The following CNTNAP2 variants were observed in gnomAD, a reference collection of about 807,000 sequenced individuals.
CNTNAP2 encodes the protein contactin-associated protein-like 2.
In CNTNAP2, 98 loss-of-function variants were observed where a neutral mutation model predicts 155.2. The observed-to-expected ratio is 0.63, with a 90% CI of 0.54 to 0.75. CNTNAP2 has a LOEUF of 0.75. CNTNAP2 is among the 30% of genes least tolerant of loss of function. The pLI, the probability that CNTNAP2 is intolerant of heterozygous loss-of-function variation, is 0.00. For missense variants in CNTNAP2, 1,727 were observed against 1,688.1 expected, an observed-to-expected ratio of 1.02 and a Z score of -0.40; for synonymous variants, 651 against 631.2, an observed-to-expected ratio of 1.03 and a Z score of -0.47.
intron 3 of CNTNAP2, among the ~76,000 whole-genome samples, chr7:146,895,600 T>C (rs1399864641): frequency 7.1e-6 from 1 of 141,258 alleles, no homozygotes; most frequent in Non-Finnish European, 1.6e-5. Context: ...GTAATAATTG[T>C]TCATATTTAT....
chr7:146,151,089 A>C (rs1798029700), intron 1 of CNTNAP2, among the ~76,000 whole-genome samples: 1 of 152,032 alleles, frequency 6.6e-6, no homozygotes, highest in African/African-American at 2.4e-5. Flanking sequence ...TAAAACCATC[A>C]CATTTCATGA....
intron 4 of CNTNAP2, among the ~76,000 whole-genome samples, chr7:147,090,468 C>T (rs907079895): frequency 6.6e-6 from 1 of 151,986 alleles, no homozygotes; most frequent in Non-Finnish European, 1.5e-5. Flanking sequence ...TTTTATTTTA[C>T]ACTTGCTCAA....
intron 3 of CNTNAP2, among the ~76,000 whole-genome samples, chr7:146,903,055 T>C (rs1480875177): frequency 1.3e-5 from 2 of 152,180 alleles, no homozygotes; most frequent in East Asian, 3.9e-4. Context: ...GAGCAAGAGT[T>C]GGAACACATT....
At chr7:146,968,270 T>C (rs1199689189) in intron 3 of CNTNAP2, among the ~76,000 whole-genome samples, 2 of 152,166 alleles carry the variant, frequency 1.3e-5, no homozygotes, top group East Asian at 3.9e-4. Flanking sequence ...TCTAAAATTC[T>C]CTTTTTTTGT....
chr7:146,272,363 G>A (rs1399973340), intron 1 of CNTNAP2, among the ~76,000 whole-genome samples: 1 of 152,014 alleles, frequency 6.6e-6, no homozygotes, highest in Non-Finnish European at 1.5e-5. Context: ...GGGGATTATG[G>A]GAACTACAAC....
chr7:147,702,957 A>G (rs1796259415), intron 13 of CNTNAP2, among the ~76,000 whole-genome samples: 1 of 152,192 alleles, frequency 6.6e-6, no homozygotes, highest in Non-Finnish European at 1.5e-5. Context: ...AGCAGTTCCT[A>G]TCATTTTTCT....
At chr7:146,191,249 G>A (rs1401645723) in intron 1 of CNTNAP2, among the ~76,000 whole-genome samples, 1 of 152,076 alleles carries the variant, frequency 6.6e-6, no homozygotes, top group Non-Finnish European at 1.5e-5. Flanking sequence ...GACATCATAT[G>A]TCGGCAGGTT....
At chr7:148,104,641 T>C (rs1313779151) in intron 15 of CNTNAP2, among the ~76,000 whole-genome samples, 3 of 152,022 alleles carry the variant, frequency 2.0e-5, no homozygotes, top group Non-Finnish European at 1.5e-5. Flanking sequence ...TGAAGAGAGA[T>C]GGAGGTAAGA....
chr7:146,896,212 G>A (rs1795873851), intron 3 of CNTNAP2, among the ~76,000 whole-genome samples: 1 of 151,994 alleles, frequency 6.6e-6, no homozygotes, highest in Admixed American at 6.6e-5. Flanking sequence ...TCTTAGTTTT[G>A]CTATAAATAC....
chr7:146,931,198 T>A (rs1585164773), intron 3 of CNTNAP2, among the ~76,000 whole-genome samples: 1 of 151,428 alleles, frequency 6.6e-6, no homozygotes. Flanking sequence ...AAAGCTCTCC[T>A]CAGCAAATGT....
chr7:146,204,409 C>T (rs1798915063), intron 1 of CNTNAP2, among the ~76,000 whole-genome samples: 1 of 152,004 alleles, frequency 6.6e-6, no homozygotes, highest in South Asian at 2.1e-4. Flanking sequence ...ATTAGCTATT[C>T]TCTGATATGC....
intron 8 of CNTNAP2, among the ~76,000 whole-genome samples, chr7:147,177,432 G>A (rs1584773941): frequency 6.6e-6 from 1 of 152,048 alleles, no homozygotes. Context: ...GCCTTCCGCC[G>A]TGATTCTAAG....
intron 1 of CNTNAP2, among the ~76,000 whole-genome samples, chr7:146,134,173 G>A (rs1322478979): frequency 6.6e-6 from 1 of 151,996 alleles, no homozygotes; most frequent in African/African-American, 2.4e-5. Flanking sequence ...TCTTTTTGAA[G>A]CAATTGTAAA....
At chr7:147,522,289 G>GT (rs1221809464) in intron 11 of CNTNAP2, among the ~76,000 whole-genome samples, 1 of 152,060 alleles carries the variant, frequency 6.6e-6, no homozygotes, top group Non-Finnish European at 1.5e-5. Flanking sequence ...ATACTTACTG[G>GT]TTTTTTATTT....
chr7:146,194,289 A>G lies in CNTNAP2; in HGVS notation c.97+77316A>G, dbSNP rs1798746530. Among the ~76,000 whole-genome samples, 3 of 152,220 alleles carry G rather than the reference A, an allele frequency of 2.0e-5. No individual in the cohort carries two copies. In the South Asian group the frequency reaches 6.2e-4, roughly 32 times the overall value. On this transcript the variant is annotated intron_variant, in intron 1 of 23. Coordinates refer to ENST00000361727, the MANE Select transcript of CNTNAP2 (RefSeq NM_014141.6). ...AAAAAAGACATACCTGAGACTAGGT[A>G]ATTTATAAAGGAAAGATGTTTAATG... is the stretch of plus-strand genomic sequence containing the variant.
chr7:147,109,506 CTG>C (rs1295470101), intron 5 of CNTNAP2, among the ~76,000 whole-genome samples: 1 of 152,008 alleles, frequency 6.6e-6, no homozygotes, highest in Admixed American at 6.6e-5. Flanking sequence ...ATATATGAGA[CTG>C]AGAGAGGAAG....
chr7:147,317,794 G>GTATA (rs71182192), intron 9 of CNTNAP2, among the ~76,000 whole-genome samples: 86 of 65,522 alleles, frequency 1.3e-3, no homozygotes, highest in Admixed American at 7.8e-3. Flanking sequence ...GTGTGTGTGT[G>GTATA]TGTGTATATG....
intron 10 of CNTNAP2, among the ~76,000 whole-genome samples, chr7:147,461,710 A>G (rs1045915800): frequency 9.9e-5 from 15 of 152,144 alleles, no homozygotes; most frequent in Admixed American, 2.0e-4. Context: ...GTTTGTTTCT[A>G]GTGAACTGAA....
At chr7:147,079,792 TA>T (rs1800082104) in intron 4 of CNTNAP2, among the ~76,000 whole-genome samples, 1 of 151,978 alleles carries the variant, frequency 6.6e-6, no homozygotes, top group African/African-American at 2.4e-5. Context: ...GCAAACACAA[TA>T]ACAATCCCAT....
Sources: gnomAD v4.1 joint callset for allele counts (sites outside exome capture counted in the v4.1 genomes callset) on GRCh38, gnomAD v4.1.1 for gene constraint, MANE v1.5 for transcripts, NCBI Gene and HGNC (gene_info 2026-07-23, HGNC 2026-07-21) for gene names.